Variants in MYO5B observed in about 807,000 individuals in gnomAD.
MYO5B encodes the protein myosin VB.
Under a neutral mutation model 229.3 loss-of-function variants are expected in MYO5B, and 143 were observed. That is an observed-to-expected ratio of 0.62 (90% CI 0.54 to 0.72). The LOEUF is 0.72. Among genes scored for constraint, MYO5B ranks in the 30% least tolerant of loss-of-function variants. The pLI, the probability that MYO5B is intolerant of heterozygous loss-of-function variation, is 0.00. For missense variants in MYO5B, 2,321 were observed against 2,331.0 expected, an observed-to-expected ratio of 1.00 and a Z score of 0.09; for synonymous variants, 918 against 885.2, an observed-to-expected ratio of 1.04 and a Z score of -0.66.
chr18:50,147,490 A>G (rs1349863462), intron 1 of MYO5B, among the ~76,000 whole-genome samples: 2 of 152,234 alleles, frequency 1.3e-5, no homozygotes, highest in African/African-American at 4.8e-5. Flanking sequence ...GAAGCTGAAG[A>G]AATTCACTCA....
rs74862172 is a variant in MYO5B at position 49,862,330 on chromosome 18, G to C, written c.3944+897C>G. 6.5e-3 allele frequency among the ~76,000 whole-genome samples: 997 copies of C among 152,246 alleles called. 4 individuals are homozygous for C. The highest frequency in any genetic ancestry group is 0.013 in the South Asian group (63 of 4,814). On this transcript the variant is annotated intron_variant, in intron 29 of 39. Transcript: ENST00000285039. ...TCCGTTTTTATAGGTGCCCACAGGG[G>C]CATGAGGAAGCAGATGATAACAACA...
intron 4 of MYO5B, among the ~76,000 whole-genome samples, chr18:50,018,317 C>A (rs933552238): frequency 2.7e-5 from 4 of 148,630 alleles, no homozygotes; most frequent in Admixed American, 1.3e-4. Context: ...ATGATACAGT[C>A]TAACTTATGT....
intron 17 of MYO5B, among the ~76,000 whole-genome samples, chr18:49,926,103 G>GA (rs2025125927): frequency 6.6e-6 from 1 of 152,200 alleles, no homozygotes; most frequent in Admixed American, 6.5e-5. Context: ...AGATGTGGTT[G>GA]AAAAGAAAAT....
intron 5 of MYO5B, among the ~76,000 whole-genome samples, chr18:49,997,813 C>T (rs188146971): frequency 1.1e-4 from 16 of 152,250 alleles, no homozygotes; most frequent in Admixed American, 7.8e-4. Context: ...CTCTAGGTCT[C>T]CCCAGGAGGT....
chr18:50,114,437 G>A (rs141348086), intron 1 of MYO5B, among the ~76,000 whole-genome samples: 333 of 152,260 alleles, frequency 2.2e-3, no homozygotes, highest in African/African-American at 7.8e-3. Flanking sequence ...GGCTCCTCTT[G>A]GGAAAGGGTG....
At chr18:50,183,339 C>CTA (rs1555667483) in intron 1 of MYO5B, among the ~76,000 whole-genome samples, 2 of 110,208 alleles carry the variant, frequency 1.8e-5, no homozygotes, top group African/African-American at 3.6e-5. Flanking sequence ...ATATATATAT[C>CTA]TCCTTCAATA....
intron 1 of MYO5B, among the ~76,000 whole-genome samples, chr18:50,125,804 C>G (rs984933835): frequency 6.6e-6 from 1 of 152,168 alleles, no homozygotes; most frequent in Non-Finnish European, 1.5e-5. Context: ...ACTATCCATA[C>G]AATTCATTAT....
At chr18:50,005,799 C>T (rs929841006) in intron 4 of MYO5B, among the ~76,000 whole-genome samples, 6 of 152,156 alleles carry the variant, frequency 3.9e-5, no homozygotes, top group Non-Finnish European at 8.8e-5. Context: ...CCACCACTGC[C>T]GTTTCTGGTA....
At chr18:50,024,460 C>T (rs149968974) in intron 4 of MYO5B, among the ~76,000 whole-genome samples, 1 of 152,290 alleles carries the variant, frequency 6.6e-6, no homozygotes, top group East Asian at 1.9e-4. Flanking sequence ...TTGGTACTTG[C>T]TCTTGTAGAG....
At chr18:49,957,164 A>AAAAAC (rs1568046994) in intron 12 of MYO5B, among the ~76,000 whole-genome samples, 1 of 150,796 alleles carries the variant, frequency 6.6e-6, no homozygotes, top group African/African-American at 2.4e-5. Context: ...AAAAAAAAAA[A>AAAAAC]AGCAGGCATG....
At chr18:50,172,056 T>C (rs1341277387) in intron 1 of MYO5B, among the ~76,000 whole-genome samples, 1 of 152,078 alleles carries the variant, frequency 6.6e-6, no homozygotes, top group African/African-American at 2.4e-5. Context: ...CTCATGTTCA[T>C]TAGGGCAGAA....
chr18:50,110,730 A>G (rs903025857), intron 1 of MYO5B, among the ~76,000 whole-genome samples: 21 of 152,234 alleles, frequency 1.4e-4, no homozygotes, highest in African/African-American at 4.8e-4. Context: ...CAATTTCCAA[A>G]TATGTCTGTA....
chr18:49,905,938 ACTCT>A (rs2024893666), intron 19 of MYO5B, among the ~76,000 whole-genome samples: 1 of 151,432 alleles, frequency 6.6e-6, no homozygotes, highest in African/African-American at 2.4e-5. Flanking sequence ...TAGACAAGCC[ACTCT>A]CTCTCCATCC....
intron 2 of MYO5B, among the ~76,000 whole-genome samples, chr18:50,049,848 T>C (rs1442133299): frequency 2.0e-5 from 3 of 146,626 alleles, no homozygotes; most frequent in Non-Finnish European, 4.5e-5. Flanking sequence ...TCAATGACAA[T>C]AAATTAGAGC....
At chr18:50,168,176 A>T (rs980285600) in intron 1 of MYO5B, among the ~76,000 whole-genome samples, 2 of 152,154 alleles carry the variant, frequency 1.3e-5, no homozygotes, top group African/African-American at 4.8e-5. Context: ...TCTTGGCTTC[A>T]TCACTCCCTC....
intron 1 of MYO5B, among the ~76,000 whole-genome samples, chr18:50,118,135 C>A (rs1280147464): frequency 6.6e-6 from 1 of 152,178 alleles, no homozygotes; most frequent in Non-Finnish European, 1.5e-5. Context: ...CAGTAGGATA[C>A]AACTGCCCAT....
At chr18:49,835,260 A>G (rs1007196132) in intron 39 of MYO5B, 84 bp downstream of exon 39, 1 of 957,548 alleles carries the variant, frequency 1.0e-6, no homozygotes, top group East Asian at 2.4e-5. Context: ...TTAGTAATAA[A>G]GAGAAGCAAG....
chr18:49,958,355 T>C (rs773520579), intron 12 of MYO5B, among the ~76,000 whole-genome samples: 2 of 152,228 alleles, frequency 1.3e-5, no homozygotes, highest in Non-Finnish European at 2.9e-5. Flanking sequence ...GCAATTTCTC[T>C]TTCTGTTTAC....
intron 5 of MYO5B, among the ~76,000 whole-genome samples, chr18:49,997,369 CTTTTTTTTTTTTTTTT>C (rs34011258): frequency 3.3e-5 from 2 of 60,350 alleles, no homozygotes; most frequent in Non-Finnish European, 5.4e-5. Flanking sequence ...TCCTTTCTTT[CTTTTTTTTTTTTTTTT>C]TTTTTTTTTG....
Sources: gnomAD v4.1 joint callset for allele counts (sites outside exome capture counted in the v4.1 genomes callset) on GRCh38, gnomAD v4.1.1 for gene constraint, MANE v1.5 for transcripts, NCBI Gene and HGNC (gene_info 2026-07-23, HGNC 2026-07-21) for gene names.